RC3H1: variants seen among roughly 807,000 people sequenced by gnomAD.
RC3H1 encodes the protein ring finger and CCCH-type domains 1.
A neutral mutation model predicts 138.2 loss-of-function variants in RC3H1; 50 were observed. The observed-to-expected ratio is 0.36, with a 90% CI of 0.29 to 0.46. RC3H1 has a LOEUF of 0.46. RC3H1 is among the 20% of genes least tolerant of loss of function. RC3H1 has a pLI of 1.00. For missense variants in RC3H1, 1,031 were observed against 1,388.1 expected (o/e 0.74, Z 4.09); for synonymous variants, 462 against 489.1 (o/e 0.94, Z 0.73).
At chr1:173,995,664 A>G (rs1475646580) in intron 1 of RC3H1, among the ~76,000 whole-genome samples, 1 of 152,060 alleles carries the variant, frequency 6.6e-6, no homozygotes, top group African/African-American at 2.4e-5. Flanking sequence ...GCAGGAGGTG[A>G]CTCACTTTAT....
intron 2 of RC3H1, 98 bp from the exon 3 acceptor site, chr1:173,984,717 A>T (rs1660954633): frequency 8.3e-7 from 1 of 1,200,010 alleles, no homozygotes. Flanking sequence ...TGGTAACATC[A>T]AAACGCCCAC....
intron 11 of RC3H1, 31 bp downstream of exon 11, chr1:173,963,942 A>T: frequency 6.4e-7 from 1 of 1,573,860 alleles, no homozygotes; most frequent in Non-Finnish European, 8.7e-7. Context: ...ATTCCTAAGA[A>T]AAGTTAGCAA....
intron 14 of RC3H1, among the ~76,000 whole-genome samples, chr1:173,951,689 C>T (rs755338748): frequency 3.3e-5 from 5 of 152,008 alleles, no homozygotes; most frequent in Non-Finnish European, 4.4e-5. Flanking sequence ...TGAAGAAGTC[C>T]AAGATCTTAA....
At position 173,993,359 on chromosome 1, in the gene RC3H1, A is replaced by C. The variant is rs980690312; in HGVS notation, c.-150-224T>G. The stretch of plus-strand genomic sequence containing the variant: ...AGTCCCCTGCCTAAGAGGAAACTTG[A>C]AGTTAATAATAAAGTTCCATCCAGG... On this transcript the variant is annotated intron_variant, in intron 1 of 19. Transcript: ENST00000367696. Among the ~76,000 whole-genome samples, 3 of 151,994 alleles carry C rather than the reference A, an allele frequency of 2.0e-5. No individual in the cohort carries two copies. The East Asian group carries it at 5.8e-4, about 29-fold the overall frequency.
rs1422841988 is a variant in RC3H1, at chr1:173,936,749, ATATATATATATATT to A, written c.*1958_*1971del. On this transcript the variant is annotated 3_prime_UTR_variant, in exon 20 of 20. Coordinates refer to ENST00000367696, the MANE Select transcript of RC3H1 (RefSeq NM_172071.4). Reference sequence around the variant, plus strand: ...AGCATACATATATATATATATATATATATATATATATATTTTTTTTTTTTTTTTTAAAAAAAGAA... The same window carrying A: ...AGCATACATATATATATATATATATATTTTTTTTTTTTTTTAAAAAAAGAA... 1.0e-2 allele frequency: 557 copies of A among 55,760 alleles called. 11 individuals carry two copies. The highest frequency in any genetic ancestry group is 0.064 in the African/African-American group (523 of 8,208). The allele number at this position is 55,760 out of a possible 1,614,324, so 3.5% of individuals were successfully genotyped here.
chr1:173,956,139 A>C (rs1448342745), intron 13 of RC3H1, among the ~76,000 whole-genome samples: 10 of 151,026 alleles, frequency 6.6e-5, no homozygotes, highest in Admixed American at 6.6e-4. Flanking sequence ...TCAAAAAAAA[A>C]AAAAAAGAAA....
chr1:173,985,256 C>T (rs1011647532), intron 2 of RC3H1, among the ~76,000 whole-genome samples: 2 of 152,124 alleles, frequency 1.3e-5, no homozygotes, highest in African/African-American at 2.4e-5. Flanking sequence ...ACGAATAATG[C>T]TGCTATGAAC....
At position 173,961,877 on chromosome 1, in the gene RC3H1, C is replaced by G; in HGVS notation, c.2050G>C (p.Glu684Gln). The G allele has an allele frequency of 6.2e-7, 1 of 1,614,112 alleles. No individual in the cohort carries two copies. Among genetic ancestry groups the G allele is most frequent in the South Asian group, 1.1e-5 (1 of 91,080 alleles). Reference protein sequence around the residue: ...RVYPAPSYTREEIFRESPIPI... With the variant: ...RVYPAPSYTRQEIFRESPIPI... ...ATAGGGCTTTCTCGGAATATCTCTTCTCTTGTGTAAGACGGAGCAGGGTAC... is the reference window on the plus strand; with the variant it reads ...ATAGGGCTTTCTCGGAATATCTCTTGTCTTGTGTAAGACGGAGCAGGGTAC... The change falls in exon 12 of 20, where the codon GAA (glutamate) becomes CAA (glutamine). Residue 684 changes from glutamate (E) to glutamine (Q), a missense_variant. Glu to Gln is a conservative substitution (Grantham distance 29). Transcript: ENST00000367696.
chr1:174,018,419 T>A (rs996240287), intron 1 of RC3H1, among the ~76,000 whole-genome samples: 1 of 152,174 alleles, frequency 6.6e-6, no homozygotes, highest in Non-Finnish European at 1.5e-5. Flanking sequence ...CAGAAATAAA[T>A]ATGCTAAAGT....
At position 173,946,595 on chromosome 1, in the gene RC3H1, T is replaced by C. The variant is rs542635473; in HGVS notation, c.2842A>G (p.Met948Val). The change falls in exon 17 of 20, where the codon ATG (methionine) becomes GTG (valine). Residue 948 changes from methionine (M) to valine (V), a missense_variant. Around this residue, in one of 7 missense-constraint regions of RC3H1, gnomAD observed 716 missense variants for 837.9 expected, o/e 0.85. Transcript: ENST00000367696. The part of the protein sequence containing the change: ...GHFSERERIS[M>V]SEVASHGKPL... ...TTTCCATGACTGGCCACTTCTGACA[T>C]AGATATTCTCTCCCTTTGGTTAGAA... 9 of 1,614,022 alleles carry C rather than the reference T, an allele frequency of 5.6e-6. No individual in the cohort carries two copies. The South Asian group carries it at 7.7e-5, about 14-fold the overall frequency.
chr1:173,938,692 C>G lies in RC3H1; in HGVS notation c.*29G>C, dbSNP rs754625447. On this transcript the variant is annotated 3_prime_UTR_variant, in exon 20 of 20. Coordinates refer to ENST00000367696, the MANE Select transcript of RC3H1 (RefSeq NM_172071.4). Reference sequence around the variant, plus strand: ...CTATGCCCGACAAACTGATTAGGAGCAGAAGATAAAAGTAGGACTCCTCAT... The same window carrying G: ...CTATGCCCGACAAACTGATTAGGAGGAGAAGATAAAAGTAGGACTCCTCAT... 2 of 1,549,622 alleles carry G rather than the reference C, an allele frequency of 1.3e-6. No homozygotes were observed. The highest frequency in any genetic ancestry group is 1.8e-6 in the Non-Finnish European group (2 of 1,140,412).
At chr1:174,007,160 C>G (rs1168261543) in intron 1 of RC3H1, among the ~76,000 whole-genome samples, 2 of 152,140 alleles carry the variant, frequency 1.3e-5, no homozygotes, top group African/African-American at 4.8e-5. Context: ...GAGGCCAAGG[C>G]AGGCAGATCA....
chr1:173,947,346 C>T (rs778872589), intron 15 of RC3H1, 23 bp downstream of exon 15: 2 of 1,542,920 alleles, frequency 1.3e-6, no homozygotes, highest in Non-Finnish European at 9.0e-7. Context: ...CCCTTTAGGT[C>T]AGCTTACCTC....
At chr1:174,016,593 T>G (rs1661867434) in intron 1 of RC3H1, among the ~76,000 whole-genome samples, 1 of 151,510 alleles carries the variant, frequency 6.6e-6, no homozygotes, top group South Asian at 2.1e-4. Context: ...TAATTATGTA[T>G]ATTAATAAAA....
intron 1 of RC3H1, among the ~76,000 whole-genome samples, chr1:174,014,842 G>T (rs934836531): frequency 6.6e-6 from 1 of 151,850 alleles, no homozygotes; most frequent in African/African-American, 2.4e-5. Context: ...TTTTTTTAGC[G>T]AGGTCTATAT....
intron 1 of RC3H1, among the ~76,000 whole-genome samples, chr1:174,020,904 G>A (rs1375466411): frequency 6.6e-6 from 1 of 152,166 alleles, no homozygotes; most frequent in Non-Finnish European, 1.5e-5. Flanking sequence ...AGCTACTCCG[G>A]ATGGTGAGGC....
At chr1:173,986,255 C>A (rs1213526400) in intron 2 of RC3H1, among the ~76,000 whole-genome samples, 4 of 152,162 alleles carry the variant, frequency 2.6e-5, no homozygotes, top group Admixed American at 2.6e-4. Flanking sequence ...GAGCCAATAT[C>A]AACATATTCA....
At chr1:173,981,883 G>C (rs114358901) in intron 5 of RC3H1, among the ~76,000 whole-genome samples, 2,057 of 151,286 alleles carry the variant, frequency 0.014, 57 homozygotes, top group African/African-American at 0.048. Flanking sequence ...CTGGGCGACA[G>C]AGCAAGACTG....
intron 1 of RC3H1, among the ~76,000 whole-genome samples, chr1:174,010,382 C>T (rs1235733530): frequency 6.6e-6 from 1 of 150,878 alleles, no homozygotes; most frequent in Non-Finnish European, 1.5e-5. Context: ...ATACAGAATA[C>T]AGTCTTATCA....
Sources: gnomAD v4.1 joint callset for allele counts (sites outside exome capture counted in the v4.1 genomes callset) on GRCh38, gnomAD v4.1.1 for gene constraint, gnomAD v4.1.1 regional missense constraint, MANE v1.5 for transcripts, NCBI Gene and HGNC (gene_info 2026-07-23, HGNC 2026-07-21) for gene names.